OPCML: variants seen among roughly 807,000 people sequenced by gnomAD.
OPCML encodes opioid-binding protein/cell adhesion molecule.
Under a neutral mutation model 37.8 loss-of-function variants are expected in OPCML, and 13 were observed. The observed-to-expected ratio is 0.34, with a 90% confidence interval of 0.22 to 0.55. The LOEUF (loss-of-function observed/expected upper bound fraction) is 0.55. Ranked by LOEUF, OPCML falls within the 20% of genes least tolerant of loss-of-function variation. OPCML has a pLI of 0.91. For synonymous variants in OPCML, 176 were observed against 168.8 expected (o/e 1.04, Z -0.33); for missense variants, 341 against 435.6 (o/e 0.78, Z 1.93).
intron 1 of OPCML, among the ~76,000 whole-genome samples, chr11:132,996,909 G>A (rs1946898782): frequency 6.6e-6 from 1 of 152,108 alleles, no homozygotes; most frequent in Non-Finnish European, 1.5e-5. Context: ...TATTATTTCT[G>A]TAGCAGCACA....
intron 4 of OPCML, among the ~76,000 whole-genome samples, chr11:132,466,142 G>A (rs1168117572): frequency 6.6e-6 from 1 of 152,064 alleles, no homozygotes; most frequent in Non-Finnish European, 1.5e-5. Context: ...GAAGACAATG[G>A]CACAGGGAGG....
intron 1 of OPCML, among the ~76,000 whole-genome samples, chr11:133,099,769 T>C (rs1343033628): frequency 6.6e-6 from 1 of 152,196 alleles, no homozygotes; most frequent in African/African-American, 2.4e-5. Context: ...GGGTTATTTG[T>C]TGTTCGCTTG....
chr11:133,385,426 G>A (rs1945023955), intron 1 of OPCML, among the ~76,000 whole-genome samples: 2 of 152,200 alleles, frequency 1.3e-5, no homozygotes, highest in South Asian at 4.1e-4. Context: ...ATGTGGCTCT[G>A]CGTTTTGCCT....
intron 4 of OPCML, among the ~76,000 whole-genome samples, chr11:132,512,153 A>T (rs76252094): frequency 0.21 from 31,722 of 151,990 alleles, 3,405 homozygotes; most frequent in Non-Finnish European, 0.23. Flanking sequence ...AAACAACTCA[A>T]AACCAAATAT....
At chr11:133,008,539 G>T (rs1045057008) in intron 1 of OPCML, 1 of 652,906 alleles carries the variant, frequency 1.5e-6, no homozygotes, top group South Asian at 6.9e-5. Flanking sequence ...GCTCCCAGCT[G>T]AGCCTCTCTC....
intron 2 of OPCML, among the ~76,000 whole-genome samples, chr11:132,888,865 A>G (rs900186160): frequency 1.1e-4 from 16 of 149,822 alleles, no homozygotes; most frequent in Admixed American, 1.3e-4. Context: ...CAACAAAAAA[A>G]AAAAAGAAAA....
At chr11:132,502,413 C>T (rs1005895346) in intron 4 of OPCML, among the ~76,000 whole-genome samples, 2 of 152,202 alleles carry the variant, frequency 1.3e-5, no homozygotes, top group Admixed American at 6.5e-5. Flanking sequence ...TGCCAGTTCT[C>T]CCATCACAGT....
At chr11:133,314,760 C>T (rs1482747503) in intron 1 of OPCML, among the ~76,000 whole-genome samples, 1 of 152,146 alleles carries the variant, frequency 6.6e-6, no homozygotes, top group African/African-American at 2.4e-5. Flanking sequence ...GCTCCATGTG[C>T]CCACGGCTCC....
At chr11:133,167,319 A>C (rs1439348905) in intron 1 of OPCML, among the ~76,000 whole-genome samples, 1 of 152,160 alleles carries the variant, frequency 6.6e-6, no homozygotes, top group Admixed American at 6.5e-5. Context: ...TTTCTGAGAA[A>C]TACAAAATAA....
chr11:132,892,998 C>T (rs1943709655), intron 2 of OPCML, among the ~76,000 whole-genome samples: 1 of 152,134 alleles, frequency 6.6e-6, no homozygotes, highest in Non-Finnish European at 1.5e-5. Context: ...AAGGTTGTCC[C>T]CACTCACTGT....
At chr11:133,477,028 G>A (rs2137017926) in intron 1 of OPCML, among the ~76,000 whole-genome samples, 1 of 152,300 alleles carries the variant, frequency 6.6e-6, no homozygotes, top group African/African-American at 2.4e-5. Context: ...CTTGGGAAAT[G>A]CACAGCTTAA....
intron 3 of OPCML, among the ~76,000 whole-genome samples, chr11:132,577,357 A>T (rs2096453253): frequency 6.6e-6 from 1 of 152,166 alleles, no homozygotes; most frequent in Non-Finnish European, 1.5e-5. Context: ...TTAAAATATT[A>T]TCTTTAATTT....
chr11:133,278,496 C>T (rs553859758), intron 1 of OPCML, among the ~76,000 whole-genome samples: 12 of 152,184 alleles, frequency 7.9e-5, no homozygotes, highest in African/African-American at 4.8e-5. Context: ...TCAGCTTGGA[C>T]TCATTCTTCT....
intron 3 of OPCML, among the ~76,000 whole-genome samples, chr11:132,579,496 G>A (rs555278550): frequency 7.8e-4 from 118 of 152,116 alleles, no homozygotes; most frequent in Non-Finnish European, 1.5e-3. Flanking sequence ...CAGCTTATGG[G>A]CAAGTGGCAA....
chr11:133,118,166 A>T (rs966991624), intron 1 of OPCML: 4 of 914,532 alleles, frequency 4.4e-6, no homozygotes, highest in Admixed American at 6.2e-5. Flanking sequence ...TATGTCTCTA[A>T]AAGTGGTAGT....
chr11:132,863,550 G>A (rs1341114748), intron 2 of OPCML, among the ~76,000 whole-genome samples: 1 of 152,120 alleles, frequency 6.6e-6, no homozygotes, highest in Non-Finnish European at 1.5e-5. Context: ...TGAGGCTGGC[G>A]GCAGAATCCA....
intron 2 of OPCML, among the ~76,000 whole-genome samples, chr11:132,793,240 G>A (rs939481898): frequency 2.0e-5 from 3 of 152,032 alleles, no homozygotes; most frequent in South Asian, 4.1e-4. Flanking sequence ...CTGTGGTACC[G>A]GCATGGGACG....
chr11:133,189,612 A>G (rs929725918), intron 1 of OPCML, among the ~76,000 whole-genome samples: 1 of 152,208 alleles, frequency 6.6e-6, no homozygotes, highest in African/African-American at 2.4e-5. Flanking sequence ...ATCCTAGCAT[A>G]TCAGATATCT....
intron 1 of OPCML, among the ~76,000 whole-genome samples, chr11:133,141,027 C>A (rs758420010): frequency 0.038 from 282 of 7,444 alleles, 76 homozygotes; most frequent in Middle Eastern, 0.14. Context: ...ACGACGACGA[C>A]GACGACGACG....
Sources: allele counts gnomAD v4.1 joint callset (sites outside exome capture counted in the v4.1 genomes callset), GRCh38; gene constraint gnomAD v4.1.1; transcripts MANE v1.5; gene names NCBI Gene and HGNC (gene_info 2026-07-23, HGNC 2026-07-21).